TRIP12: variants seen among roughly 807,000 people sequenced by gnomAD.
TRIP12 encodes the protein thyroid hormone receptor interactor 12.
TRIP12 carries 25 observed loss-of-function variants against 244.2 expected under a neutral mutation model. The observed-to-expected ratio is 0.10, with a 90% CI of 0.07 to 0.14. The LOEUF is 0.14. Ranked by LOEUF, TRIP12 falls within the 10% of genes least tolerant of loss-of-function variation. The pLI is 1.00. For synonymous variants in TRIP12, 905 were observed against 873.1 expected, an observed-to-expected ratio of 1.04 and a Z score of -0.64; for missense variants, 1,677 against 2,486.4, an observed-to-expected ratio of 0.67 and a Z score of 6.92.
chr2:229,909,089 C>CAAA lies in TRIP12; in HGVS notation c.-50+12788_-50+12790dup, dbSNP rs11390500. Among the ~76,000 whole-genome samples, 79 of 110,570 alleles carry CAAA rather than the reference C, an allele frequency of 7.1e-4. 1 individual carries two copies. The highest frequency in any genetic ancestry group is 1.9e-3 in the African/African-American group (53 of 27,596). The allele number at this position is 110,570 out of a possible 152,430, so 72.5% of individuals were successfully genotyped here. A position where few individuals can be genotyped will look rare whatever the true frequency, so the allele number is the denominator to read the frequency against. On this transcript the variant is annotated intron_variant, in intron 1 of 41. Coordinates refer to ENST00000675903, the MANE Select transcript of TRIP12 (RefSeq NM_001348323.3). ...TGGGTGACAGAGTGAGACTCTGTCTCAAAAAAAAAAAAAAAAAAGAGATTT... is the reference window on the plus strand; with the variant it reads ...TGGGTGACAGAGTGAGACTCTGTCTCAAAAAAAAAAAAAAAAAAAAAGAGATTT...
intron 25 of TRIP12, 47 bp from the exon 26 acceptor site, chr2:229,795,377 CAA>C: frequency 1.3e-6 from 2 of 1,558,740 alleles, no homozygotes; most frequent in East Asian, 2.3e-5. Flanking sequence ...CTTTTCAAAA[CAA>C]AAGTCTCCTC....
chr2:229,870,845 CCTT>C (rs1169921625), intron 2 of TRIP12, among the ~76,000 whole-genome samples: 1 of 152,066 alleles, frequency 6.6e-6, no homozygotes, highest in Non-Finnish European at 1.5e-5. Context: ...TGTCCTGAGT[CCTT>C]CTTGAGTGTG....
rs527738051 is a variant in TRIP12, at chr2:229,818,855, T to C, written c.1451-343A>G. ...GGAAATATCAATTGTGAGCAAAGGC[T>C]TGCTACAATAATAAAAACCTGTTAA... On this transcript the variant is annotated intron_variant, in intron 8 of 41. Transcript: ENST00000675903. Among the ~76,000 whole-genome samples the C allele has an allele frequency of 7.2e-5, 11 of 152,268 alleles. No individual in the cohort carries two copies. In the East Asian group the frequency reaches 2.1e-3, roughly 29 times the overall value.
At chr2:229,816,905 A>C (rs1294400721) in intron 9 of TRIP12, among the ~76,000 whole-genome samples, 2 of 152,246 alleles carry the variant, frequency 1.3e-5, no homozygotes, top group Non-Finnish European at 2.9e-5. Flanking sequence ...GCAAAATCTG[A>C]AAGTTGAAAG....
chr2:229,767,862 G>T, intron 41 of TRIP12, 112 bp from the exon 42 acceptor site: 4 of 1,101,390 alleles, frequency 3.6e-6, no homozygotes, highest in Non-Finnish European at 3.8e-6. Context: ...ATTCTTTCTT[G>T]CTTGGCAATT....
intron 8 of TRIP12, among the ~76,000 whole-genome samples, chr2:229,824,973 A>G (rs2051139814): frequency 6.6e-6 from 1 of 152,258 alleles, no homozygotes; most frequent in South Asian, 2.1e-4. Context: ...AAAAATCAGA[A>G]GCAAAATGAA....
At chr2:229,912,980 A>G (rs2074620960) in intron 1 of TRIP12, among the ~76,000 whole-genome samples, 1 of 152,092 alleles carries the variant, frequency 6.6e-6, no homozygotes, top group South Asian at 2.1e-4. Context: ...CCTCCCAAGT[A>G]GCTGGGGCTA....
intron 4 of TRIP12, among the ~76,000 whole-genome samples, chr2:229,841,136 T>A (rs1263712100): frequency 1.3e-5 from 2 of 152,226 alleles, no homozygotes; most frequent in Non-Finnish European, 2.9e-5. Context: ...GTCTTCTCAC[T>A]TGGGCCCAAC....
intron 1 of TRIP12, among the ~76,000 whole-genome samples, chr2:229,887,534 T>C (rs2066305286): frequency 1.3e-5 from 2 of 152,114 alleles, no homozygotes; most frequent in Non-Finnish European, 2.9e-5. Context: ...TAAGGGTAGA[T>C]GAGGATCTGT....
chr2:229,851,133 C>A (rs976663947), intron 4 of TRIP12, among the ~76,000 whole-genome samples: 1 of 152,240 alleles, frequency 6.6e-6, no homozygotes, highest in African/African-American at 2.4e-5. Flanking sequence ...GGCAGCTCCA[C>A]GTGCAGCCCC....
upstream of TRIP12, chr2:229,922,406 C>G: frequency 9.6e-7 from 1 of 1,038,318 alleles, no homozygotes; most frequent in East Asian, 2.5e-5. Flanking sequence ...AGAAATCCTT[C>G]TGCCAGCTCA....
intron 4 of TRIP12, among the ~76,000 whole-genome samples, chr2:229,850,599 T>G (rs2058472848): frequency 6.6e-6 from 1 of 152,234 alleles, no homozygotes; most frequent in Non-Finnish European, 1.5e-5. Flanking sequence ...CTCCTCTGCC[T>G]GGCCTCCAAC....
chr2:229,778,654 A>G lies in TRIP12; in HGVS notation c.5210-67T>C. 1.3e-6 allele frequency: 2 copies of G among 1,560,246 alleles called. No individual in the cohort carries two copies. Among genetic ancestry groups the G allele is most frequent in the Non-Finnish European group, 1.7e-6 (2 of 1,154,736 alleles). On this transcript the variant is annotated intron_variant, in intron 35 of 41. Coordinates refer to ENST00000675903, the MANE Select transcript of TRIP12 (RefSeq NM_001348323.3). This position sits in a 1 kb window ranked among gnomAD's most constrained non-coding sequence, Gnocchi z 4.1. The stretch of plus-strand genomic sequence containing the variant: ...AAAAACAAAACAAAACCTGGTAACT[A>G]AGAACATTTAAGAAATTAAGCATTC...
At chr2:229,861,370 A>G (rs2060454215) in intron 2 of TRIP12, among the ~76,000 whole-genome samples, 1 of 152,234 alleles carries the variant, frequency 6.6e-6, no homozygotes, top group African/African-American at 2.4e-5. Flanking sequence ...AATAAAAAAC[A>G]AACACATGTT....
rs771449425 is a variant in TRIP12 at position 229,807,763 on chromosome 2, C to T, written c.2441G>A (p.Arg814His). 1.2e-5 allele frequency: 19 copies of T among 1,614,058 alleles called. No individual in the cohort carries two copies. Among genetic ancestry groups the T allele is most frequent in the South Asian group, 3.3e-5 (3 of 91,084 alleles). Residue 814 changes from arginine to histidine, a missense_variant, in exon 17 of 42, where the codon CGT (arginine) becomes CAT (histidine). Around this residue, in one of 11 missense-constraint regions of TRIP12, gnomAD observed 572 missense variants for 867.8 expected, o/e 0.66. Coordinates refer to ENST00000675903, the MANE Select transcript of TRIP12 (RefSeq NM_001348323.3). The stretch of plus-strand genomic sequence containing the variant: ...TGGATGCCAGAGGCCCCGATCATCA[C>T]GCCACTGCCATATCGCACCATCTGT... ...QNTDGAIWQW[R>H]DDRGLWHPYN...
At chr2:229,821,713 G>A (rs1277850107) in intron 8 of TRIP12, among the ~76,000 whole-genome samples, 1 of 152,128 alleles carries the variant, frequency 6.6e-6, no homozygotes, top group African/African-American at 2.4e-5. Flanking sequence ...CGTGGATTTG[G>A]CCCTTGGGCA....
chr2:229,789,576 C>A (rs1292404412), intron 31 of TRIP12, 35 bp downstream of exon 31: 1 of 1,599,448 alleles, frequency 6.3e-7, no homozygotes, highest in South Asian at 1.1e-5. Flanking sequence ...CAATCACAGA[C>A]CATGAAAACT....
chr2:229,783,192 T>G (rs2038851791), intron 34 of TRIP12, among the ~76,000 whole-genome samples: 1 of 152,240 alleles, frequency 6.6e-6, no homozygotes, highest in Non-Finnish European at 1.5e-5. Context: ...ATAATTTGAA[T>G]AGTATTTCAC....
At chr2:229,821,206 C>T (rs1014582103) in intron 8 of TRIP12, among the ~76,000 whole-genome samples, 53 of 152,154 alleles carry the variant, frequency 3.5e-4, no homozygotes, top group Non-Finnish European at 8.8e-5. Flanking sequence ...CCGTTTAGTG[C>T]CACTGCTTTG....
Sources: gnomAD v4.1 joint callset for allele counts (sites outside exome capture counted in the v4.1 genomes callset) on GRCh38, gnomAD v4.1.1 for gene constraint, gnomAD v4.1.1 regional missense constraint, Gnocchi (gnomAD v3.1) non-coding constraint, MANE v1.5 for transcripts, NCBI Gene and HGNC (gene_info 2026-07-23, HGNC 2026-07-21) for gene names.